TMEM161B: variants seen among roughly 807,000 people sequenced by gnomAD.
TMEM161B encodes transmembrane protein 161B.
TMEM161B carries 34 observed loss-of-function variants against 61.8 expected under a neutral mutation model. That is an observed-to-expected ratio of 0.55 (90% CI 0.42 to 0.73). The LOEUF (loss-of-function observed/expected upper bound fraction) is 0.73, where lower values mean the gene tolerates loss of function less well. Among genes scored for constraint, TMEM161B ranks in the 30% least tolerant of loss-of-function variants. TMEM161B has a pLI of 0.00. For synonymous variants in TMEM161B, 167 were observed against 192.8 expected (o/e 0.87, Z 1.11); for missense variants, 456 against 558.5 (o/e 0.82, Z 1.85).
intron 1 of TMEM161B, among the ~76,000 whole-genome samples, chr5:88,265,816 C>T (rs1038834648): frequency 6.6e-6 from 1 of 152,180 alleles, no homozygotes; most frequent in Admixed American, 6.5e-5. Flanking sequence ...GCCTACTCTC[C>T]CACACCTGCC....
chr5:88,202,325 T>C (rs1309598719), intron 9 of TMEM161B: 1 of 261,004 alleles, frequency 3.8e-6, no homozygotes, highest in African/African-American at 2.2e-5. Flanking sequence ...TCTGCTAAAA[T>C]ACAGTTGCCT....
intron 4 of TMEM161B, among the ~76,000 whole-genome samples, chr5:88,223,685 A>G (rs1366946896): frequency 6.6e-6 from 1 of 152,178 alleles, no homozygotes; most frequent in Non-Finnish European, 1.5e-5. Flanking sequence ...CAGGAGATTG[A>G]GACCATCCTG....
In TMEM161B at chr5:88,240,910, T is replaced by C. The variant is rs1310856801; in HGVS notation, c.10A>G (p.Ile4Val). 2 of 1,561,214 alleles carry C rather than the reference T, an allele frequency of 1.3e-6. No individual in the cohort carries two copies. Among genetic ancestry groups the C allele is most frequent in the Non-Finnish European group, 1.7e-6 (2 of 1,153,864 alleles). Residue 4 changes from isoleucine (I) to valine (V), a missense_variant, in exon 2 of 12, where the codon ATA becomes GTA. Ile to Val is a conservative substitution (Grantham distance 29). Coordinates refer to ENST00000296595, the MANE Select transcript of TMEM161B (RefSeq NM_153354.5). MGV[I>V]GIQLVVTMVM... ...ATGGTAACAACCAGCTGTATACCTA[T>C]CACACCCTGTGTAAAAAAAACAAAC...
intron 5 of TMEM161B, among the ~76,000 whole-genome samples, chr5:88,210,905 G>A (rs999819931): frequency 3.9e-5 from 6 of 152,068 alleles, no homozygotes; most frequent in East Asian, 1.9e-4. Flanking sequence ...AAAAGGAATC[G>A]GAAAACATTT....
chr5:88,268,733 G>A lies in TMEM161B; in HGVS notation c.-10C>T, dbSNP rs561135659. On this transcript the variant is annotated 5_prime_UTR_variant, in exon 1 of 12. Coordinates refer to ENST00000296595, the MANE Select transcript of TMEM161B (RefSeq NM_153354.5). ...CAGAAGAACTCACCATGGCGCCTAG[G>A]ATAGGTCGTGGACCAGACACCCTGG... 5.6e-6 allele frequency: 9 copies of A among 1,614,074 alleles called. No homozygotes were observed. The highest frequency in any genetic ancestry group is 4.4e-5 in the South Asian group (4 of 91,068).
chr5:88,259,387 T>C (rs577938067), intron 1 of TMEM161B: 6 of 152,294 alleles, frequency 3.9e-5, no homozygotes, highest in Admixed American at 3.3e-4. Context: ...AAAGTTCTAA[T>C]TGAAAATAGC....
chr5:88,192,022 ATATATG>A (rs202017425), downstream of TMEM161B, among the ~76,000 whole-genome samples: 3 of 75,278 alleles, frequency 4.0e-5, no homozygotes, highest in Non-Finnish European at 8.1e-5. Flanking sequence ...ATATATATAT[ATATATG>A]TATATAGCCA....
At chr5:88,235,896 A>G (rs949037673) in intron 2 of TMEM161B, among the ~76,000 whole-genome samples, 4 of 152,212 alleles carry the variant, frequency 2.6e-5, no homozygotes, top group Non-Finnish European at 5.9e-5. Flanking sequence ...ACTTGTTAGA[A>G]ATTTTGATAG....
At chr5:88,265,676 T>C (rs1756284212) in intron 1 of TMEM161B, among the ~76,000 whole-genome samples, 1 of 152,134 alleles carries the variant, frequency 6.6e-6, no homozygotes, top group Admixed American at 6.5e-5. Flanking sequence ...ACTGTACTCT[T>C]TGAGCCTATT....
At chr5:88,209,263 A>C (rs1344868648) in intron 5 of TMEM161B, among the ~76,000 whole-genome samples, 1 of 152,220 alleles carries the variant, frequency 6.6e-6, no homozygotes, top group Non-Finnish European at 1.5e-5. Context: ...AACTGCTTTT[A>C]AGATACAGCT....
chr5:88,225,861 T>C lies in TMEM161B; in HGVS notation c.197A>G (p.Tyr66Cys), dbSNP rs370795949. The C allele has an allele frequency of 2.5e-6, 4 of 1,598,014 alleles. No homozygotes were observed. Among genetic ancestry groups the C allele is most frequent in the South Asian group, 2.3e-5 (2 of 88,864 alleles). ...QKGKTKKDRKYNGHIESKPLT... is the reference protein window; with the variant it reads ...QKGKTKKDRKCNGHIESKPLT... Reference sequence around the variant, plus strand: ...TGGCTTACTTTCAATGTGACCATTATATTTCCTATAAAAATCAGACAAGTG... The same window carrying C: ...TGGCTTACTTTCAATGTGACCATTACATTTCCTATAAAAATCAGACAAGTG... The change falls in exon 4 of 12, where the codon TAT becomes TGT. Residue 66 changes from tyrosine (Y) to cysteine (C), a missense_variant. Tyr to Cys is a radical substitution (Grantham distance 194). Coordinates refer to ENST00000296595, the MANE Select transcript of TMEM161B (RefSeq NM_153354.5).
At chr5:88,235,995 A>G (rs1214317477) in intron 2 of TMEM161B, among the ~76,000 whole-genome samples, 1 of 152,196 alleles carries the variant, frequency 6.6e-6, no homozygotes, top group African/African-American at 2.4e-5. Flanking sequence ...TAGTAGCTGA[A>G]GGTTTAAATT....
At chr5:88,208,578 G>A (rs541700978) in intron 5 of TMEM161B, among the ~76,000 whole-genome samples, 23 of 152,142 alleles carry the variant, frequency 1.5e-4, no homozygotes, top group African/African-American at 5.5e-4. Flanking sequence ...GGAGGCGGAG[G>A]TTGCAGTGAG....
rs1349964534 is a variant in TMEM161B at position 88,195,237 on chromosome 5, C to T, written c.*974G>A. The T allele has an allele frequency of 1.0e-6, 1 of 968,808 alleles. No homozygotes were observed. The highest frequency in any genetic ancestry group is 1.2e-6 in the Non-Finnish European group (1 of 814,810). 60.0% of individuals were successfully genotyped at this position (968,808 alleles called of 1,614,324 possible). A position where few individuals can be genotyped will look rare whatever the true frequency, so the allele number is the denominator to read the frequency against. On this transcript the variant is annotated 3_prime_UTR_variant, in exon 12 of 12. Transcript: ENST00000296595. ...TTCAAAATGTATTTTAATCTCATTC[C>T]AAAAAGAAATAAAATTTCTAGATAC...
intron 4 of TMEM161B, among the ~76,000 whole-genome samples, chr5:88,223,840 G>T (rs563572914): frequency 2.6e-5 from 4 of 151,550 alleles, no homozygotes; most frequent in Non-Finnish European, 5.9e-5. Context: ...AGTGAGCCAA[G>T]ATAGCACCAC....
chr5:88,220,429 T>C (rs1748693695), intron 5 of TMEM161B, 134 bp downstream of exon 5: 1 of 775,604 alleles, frequency 1.3e-6, no homozygotes, highest in African/African-American at 1.8e-5. Context: ...CTTTGAAAAA[T>C]ATTTTCAATT....
intron 1 of TMEM161B, among the ~76,000 whole-genome samples, chr5:88,258,124 A>T (rs1755220836): frequency 6.6e-6 from 1 of 152,206 alleles, no homozygotes; most frequent in African/African-American, 2.4e-5. Context: ...ATTAGAAAAT[A>T]GTTTTAATCA....
downstream of TMEM161B, among the ~76,000 whole-genome samples, chr5:88,191,980 GTGTATATATATATA>G (rs1561287221): frequency 1.1e-4 from 1 of 9,130 alleles, no homozygotes; most frequent in Non-Finnish European, 1.7e-4. Context: ...AAAAAAAAAA[GTGTATATATATATA>G]TATATATATA....
intron 1 of TMEM161B, among the ~76,000 whole-genome samples, chr5:88,242,403 G>C (rs1752890135): frequency 6.9e-6 from 1 of 144,884 alleles, no homozygotes; most frequent in Non-Finnish European, 1.5e-5. Flanking sequence ...CCCATTTGCT[G>C]GCTCTTCCTC....
Sources: allele counts gnomAD v4.1 joint callset (sites outside exome capture counted in the v4.1 genomes callset), GRCh38; gene constraint gnomAD v4.1.1; transcripts MANE v1.5; gene names NCBI Gene and HGNC (gene_info 2026-07-23, HGNC 2026-07-21).